The following NEURL4 variants were observed in gnomAD, a reference collection of about 807,000 sequenced individuals.
The protein encoded by NEURL4 is neuralized-like protein 4.
Under a neutral mutation model 148.0 loss-of-function variants are expected in NEURL4, and 45 were observed. That is an observed-to-expected ratio of 0.30 (90% confidence interval 0.24 to 0.39). The LOEUF (loss-of-function observed/expected upper bound fraction) is 0.39, where lower values mean the gene tolerates loss of function less well. NEURL4 is among the 10% of genes least tolerant of loss of function. NEURL4 has a pLI of 1.00. For synonymous variants in NEURL4, 854 were observed against 869.0 expected, an observed-to-expected ratio of 0.98 and a Z score of 0.30; for missense variants, 1,776 against 2,144.0, an observed-to-expected ratio of 0.83 and a Z score of 3.39.
chr17:7,324,675 TAGCCACTGAATG>T lies in NEURL4; in HGVS notation c.1813+112_1813+123del, dbSNP rs2143013031. 8.5e-7 allele frequency: 1 copy of T among 1,177,784 alleles called. No homozygotes were observed. Among genetic ancestry groups the T allele is most frequent in the African/African-American group, 1.5e-5 (1 of 66,380 alleles). 73.0% of individuals were successfully genotyped at this position (1,177,784 alleles called of 1,614,324 possible). ...ACAGCCCTGCCCACGGGACACTCTC[TAGCCACTGAATG>T]AGTGGTCACAAGAGTGACAAGTGAA... On this transcript the variant is annotated intron_variant, in intron 9 of 28. Coordinates refer to ENST00000399464, the MANE Select transcript of NEURL4 (RefSeq NM_032442.3). The surrounding 1 kb of genome is among the most constrained non-coding windows in gnomAD (Gnocchi z 5.9).
rs768848362 is a variant in NEURL4 at position 7,318,528 on chromosome 17, A to G, written c.3831T>C (p.His1277=). ...VAVPDVPQPC[H]ALVDLYGQCE... The stretch of plus-strand genomic sequence containing the variant: ...ACTGCCCATAGAGGTCCACAAGCGC[A>G]TGGCAGGGCTGGGGCACATCTGGCA... Residue 1277 remains histidine (H), a synonymous_variant, in exon 23 of 29, where the codon CAT becomes CAC. Transcript: ENST00000399464. This position sits in a 1 kb window ranked among gnomAD's most constrained non-coding sequence, Gnocchi z 4.3. The G allele has an allele frequency of 2.5e-6, 4 of 1,612,052 alleles. No individual in the cohort carries two copies. The South Asian group carries it at 4.4e-5, about 18-fold the overall frequency.
At chr17:7,323,227 G>A (rs2073056048) in intron 14 of NEURL4, 104 bp from the exon 15 acceptor site, 2 of 1,286,438 alleles carry the variant, frequency 1.6e-6, no homozygotes, top group East Asian at 2.4e-5. Context: ...TTGGGCTGGT[G>A]TCTTGATCTG....
At position 7,323,660 on chromosome 17, in the gene NEURL4, G is replaced by T. The variant is rs779568156; in HGVS notation, c.2325C>A (p.Gly775=). ...GACGGCCCTCACCAGCCTCAATGGA[G>T]CCTGACCAGCGGTCCACCATCTTCT... ...VIQKMVDRWS[G]SIEAGVTAIR... The change falls in exon 13 of 29, where the codon GGC becomes GGA. Residue 775 remains glycine, a synonymous_variant. Transcript: ENST00000399464. 2.5e-6 allele frequency: 4 copies of T among 1,613,554 alleles called. No individual in the cohort carries two copies. In the Admixed American group the frequency reaches 5.0e-5, roughly 20 times the overall value.
chr17:7,326,947 C>T lies in NEURL4; in HGVS notation c.856G>A (p.Gly286Arg). 5 of 1,613,750 alleles carry T rather than the reference C, an allele frequency of 3.1e-6. No homozygotes were observed. Among genetic ancestry groups the T allele is most frequent in the South Asian group, 1.1e-5 (1 of 91,080 alleles). The change falls in exon 4 of 29, where the codon GGG (glycine) becomes AGG (arginine). Residue 286 changes from glycine to arginine, a missense_variant. Physicochemically the swap from Gly to Arg is moderately radical, Grantham distance 125. Coordinates refer to ENST00000399464, the MANE Select transcript of NEURL4 (RefSeq NM_032442.3). The surrounding 1 kb of genome is among the most constrained non-coding windows in gnomAD (Gnocchi z 6.0). Reference protein sequence around the residue: ...SNTILSAYNGGLLNVNLSSPP... With the variant: ...SNTILSAYNGRLLNVNLSSPP... The stretch of plus-strand genomic sequence containing the variant: ...GAGCTCAGGTTCACATTCAGGAGCC[C>T]TCCATTGTAGGCAGACAGGATGGTG...
Position 7,326,257 on chromosome 17 carries a change from G to A in NEURL4, c.1291C>T (p.Gln431Ter). 1 of 1,613,916 alleles carries A rather than the reference G, an allele frequency of 6.2e-7. No homozygotes were observed. The highest frequency in any genetic ancestry group is 8.5e-7 in the Non-Finnish European group (1 of 1,179,856). Residue 431 changes from glutamine (Q) to a stop codon, truncating the protein, a stop_gained and splice_region_variant, in exon 6 of 29, where the codon CAG (glutamine) becomes TAG (stop). Coordinates refer to ENST00000399464, the MANE Select transcript of NEURL4 (RefSeq NM_032442.3). LOFTEE classifies it high-confidence loss of function. This position sits in a 1 kb window ranked among gnomAD's most constrained non-coding sequence, Gnocchi z 6.0. ...EYCEFSLDEL[Q>*]EGDHIGLTRK... Reference sequence around the variant, plus strand: ...AGGGATCTGTGCCCCACCCTCACCTGCAACTCATCCAGACTGAATTCGCAG... The same window carrying A: ...AGGGATCTGTGCCCCACCCTCACCTACAACTCATCCAGACTGAATTCGCAG...
Position 7,324,860 on chromosome 17 carries a change from A to T in NEURL4, c.1752T>A (p.Gly584=), listed in dbSNP as rs1478569481. The T allele has an allele frequency of 2.5e-6, 4 of 1,614,116 alleles. No individual in the cohort carries two copies. In the South Asian group the frequency reaches 4.4e-5, roughly 18 times the overall value. ...VDKWAGSIEI[G]VTTHNPAYLQ... is the part of the protein sequence containing the mutation. ...GGTAGGCAGGGTTGTGGGTGGTGAC[A>T]CCAATTTCAATGGAGCCAGCCCATT... The change falls in exon 9 of 29, where the codon GGT becomes GGA. Residue 584 remains glycine, a synonymous_variant. Transcript: ENST00000399464. The surrounding 1 kb of genome is among the most constrained non-coding windows in gnomAD (Gnocchi z 5.9).
chr17:7,324,311 TTCCTGCCGGGGCTGG>T lies in NEURL4; in HGVS notation c.1900-56_1900-42del, dbSNP rs1567621905. ...TGCTGGAGTGAGGAGTCAGGCAGAG[TTCCTGCCGGGGCTGG>T]TCCTGCATCAGCCCCGCGGTGTTTG... On this transcript the variant is annotated intron_variant, in intron 10 of 28. Transcript: ENST00000399464. This position sits in a 1 kb window ranked among gnomAD's most constrained non-coding sequence, Gnocchi z 5.9. The T allele has an allele frequency of 2.5e-6, 4 of 1,613,288 alleles. No individual in the cohort carries two copies. The Admixed American group carries it at 6.7e-5, about 27-fold the overall frequency.
rs778818175 is a variant in NEURL4 at position 7,317,346 on chromosome 17, C to T, written c.4343G>A (p.Arg1448His). 7.7e-6 allele frequency: 12 copies of T among 1,555,268 alleles called. No individual in the cohort carries two copies. The East Asian group carries it at 9.0e-5, about 12-fold the overall frequency. ...TACCCCAGGTTCTCCCTTCAAAGGA[C>T]GGCAGCTCAGGATGGAGGCAGTACC... ...GAGTASILSC[R>H]PLKGEPGVGF... The change falls in exon 28 of 29, where the codon CGT becomes CAT. Residue 1448 changes from arginine to histidine, a missense_variant. Transcript: ENST00000399464.
intron 8 of NEURL4, 34 bp downstream of exon 8, chr17:7,325,175 T>G: frequency 6.1e-6 from 3 of 488,026 alleles, no homozygotes; most frequent in Non-Finnish European, 7.2e-6. Flanking sequence ...TTAGAATCCC[T>G]TCTTCAGGCT....
At chr17:7,320,055 C>T (rs1219330844) in intron 21 of NEURL4, among the ~76,000 whole-genome samples, 1 of 151,884 alleles carries the variant, frequency 6.6e-6, no homozygotes, top group African/African-American at 2.4e-5. Context: ...TGGTCTTGAT[C>T]TCCTGATCTC....
At position 7,324,024 on chromosome 17, in the gene NEURL4, G is replaced by A; in HGVS notation, c.2063-12C>T. The A allele has an allele frequency of 6.2e-7, 1 of 1,608,782 alleles. No homozygotes were observed. The highest frequency in any genetic ancestry group is 1.1e-5 in the South Asian group (1 of 91,084). On this transcript the variant is annotated splice_polypyrimidine_tract_variant and intron_variant, in intron 11 of 28. Transcript: ENST00000399464. This position sits in a 1 kb window ranked among gnomAD's most constrained non-coding sequence, Gnocchi z 5.9. ...AACTGGAGCCACCTCTGTAAAAGTG[G>A]ACATCACCCATCAGGTCTCTAGGTG...
intron 6 of NEURL4, 106 bp from the exon 7 acceptor site, chr17:7,325,819 C>A (rs2073097214): frequency 2.2e-6 from 2 of 910,792 alleles, no homozygotes. Flanking sequence ...TCAGACCACC[C>A]TGGAGGACAG....
chr17:7,324,121 A>C lies in NEURL4; in HGVS notation c.2049T>G (p.Ile683Met). The change falls in exon 11 of 29, where the codon ATT (isoleucine) becomes ATG (methionine). Residue 683 changes from isoleucine (I) to methionine (M), a missense_variant. By Grantham distance (10) the Ile-to-Met change is conservative. Transcript: ENST00000399464. The surrounding 1 kb of genome is among the most constrained non-coding windows in gnomAD (Gnocchi z 5.9). ...CCCGGCCCTCACCCACGTCGTCCACAATGGTGGCCTGGGCCGCCTGGCCAT... is the reference window on the plus strand; with the variant it reads ...CCCGGCCCTCACCCACGTCGTCCACCATGGTGGCCTGGGCCGCCTGGCCAT... ...DLYGQAAQAT[I>M]VDDVEVAPVP... is the part of the protein sequence containing the mutation. The C allele has an allele frequency of 6.2e-7, 1 of 1,613,120 alleles. No individual in the cohort carries two copies.
rs1035938254 is a variant in NEURL4, at chr17:7,322,598, CG to C, written c.2725+136del. ...CTCCCCCTCACTGGCTGCTTGCCACCGTGGGCTGTCCCTTCCCTGGAGCCGG... is the reference window on the plus strand; with the variant it reads ...CTCCCCCTCACTGGCTGCTTGCCACCTGGGCTGTCCCTTCCCTGGAGCCGG... On this transcript the variant is annotated intron_variant, in intron 16 of 28. Coordinates refer to ENST00000399464, the MANE Select transcript of NEURL4 (RefSeq NM_032442.3). The surrounding 1 kb of genome is among the most constrained non-coding windows in gnomAD (Gnocchi z 5.5). 6.5e-5 allele frequency: 74 copies of C among 1,142,028 alleles called. No homozygotes were observed. In the African/African-American group the frequency reaches 9.8e-4, roughly 15 times the overall value. The allele number at this position is 1,142,028 out of a possible 1,614,324, so 70.7% of individuals were successfully genotyped here.
Position 7,327,145 on chromosome 17 carries a change from G to A in NEURL4, c.793+20C>T. The A allele has an allele frequency of 6.2e-7, 1 of 1,611,004 alleles. No homozygotes were observed. The highest frequency in any genetic ancestry group is 8.5e-7 in the Non-Finnish European group (1 of 1,179,582). Reference sequence around the variant, plus strand: ...CCTCACTTCCCACTCCCCTTCCCAGGGCCTCCCCAAAGCCCTCACCATTAT... The same window carrying A: ...CCTCACTTCCCACTCCCCTTCCCAGAGCCTCCCCAAAGCCCTCACCATTAT... On this transcript the variant is annotated intron_variant, in intron 3 of 28. Transcript: ENST00000399464. The surrounding 1 kb of genome is among the most constrained non-coding windows in gnomAD (Gnocchi z 6.6).
rs143317552 is a variant in NEURL4 at position 7,322,957 on chromosome 17, G to C, written c.2584C>G (p.Pro862Ala). The change falls in exon 15 of 29, where the codon CCG becomes GCG. Residue 862 changes from proline to alanine, a missense_variant. Pro to Ala is a conservative substitution (Grantham distance 27). Transcript: ENST00000399464. This position sits in a 1 kb window ranked among gnomAD's most constrained non-coding sequence, Gnocchi z 5.5. ...AAAGCCACATAGTCACCTTTACCCG[G>C]AGGCAGGCCCGAGCAGGCAGCGCCT... ...DQGAACSGLP[P>A]GKEVYAVVDL... is the part of the protein sequence containing the mutation. The C allele has an allele frequency of 5.7e-3, 9,181 of 1,613,564 alleles. 33 individuals carry two copies. The highest frequency in any genetic ancestry group is 6.5e-3 in the Non-Finnish European group (7,611 of 1,179,788).
intron 21 of NEURL4, among the ~76,000 whole-genome samples, chr17:7,319,835 C>CT (rs1183457589): frequency 6.7e-5 from 10 of 150,342 alleles, no homozygotes; most frequent in Non-Finnish European, 5.9e-5. Flanking sequence ...CTTTTCCTTT[C>CT]TTTTTTTTTA....
intron 8 of NEURL4, 65 bp downstream of exon 8, chr17:7,325,144 T>TGGGGGGGGGGGGGGGGG: frequency 1.8e-4 from 174 of 956,200 alleles, no homozygotes; most frequent in Middle Eastern, 3.3e-4. Context: ...TCCACTTCCT[T>TGGGGGGGGGGGGGGGGG]GCCCCGCCCC....
chr17:7,317,096 AGAC>A, intron 28 of NEURL4, 106 bp downstream of exon 28: 1 of 702,768 alleles, frequency 1.4e-6, no homozygotes, highest in Non-Finnish European at 2.2e-6. Flanking sequence ...GCAGCTAGCA[AGAC>A]GAGATGAGAA....
Sources: gnomAD v4.1 joint callset for allele counts (sites outside exome capture counted in the v4.1 genomes callset) on GRCh38, gnomAD v4.1.1 for gene constraint, Gnocchi (gnomAD v3.1) non-coding constraint, MANE v1.5 for transcripts, NCBI Gene and HGNC (gene_info 2026-07-23, HGNC 2026-07-21) for gene names.